The following TMEM41B variants were observed in gnomAD, a reference collection of about 807,000 sequenced individuals.
TMEM41B encodes protein stasimon.
Under a neutral mutation model 31.9 loss-of-function variants are expected in TMEM41B, and 18 were observed. The ratio of observed to expected loss-of-function variants is 0.56; its 90% CI spans 0.39 to 0.84. The LOEUF (loss-of-function observed/expected upper bound fraction) is 0.84, where lower values mean the gene tolerates loss of function less well. Among genes scored for constraint, TMEM41B ranks in the 40% least tolerant of loss-of-function variants. The probability of loss-of-function intolerance (pLI) is 0.00; values close to 1 mark genes in which losing one functional copy is unlikely to be tolerated. For synonymous variants in TMEM41B, 144 were observed against 124.3 expected, an observed-to-expected ratio of 1.16 and a Z score of -1.05; for missense variants, 322 against 348.0, an observed-to-expected ratio of 0.93 and a Z score of 0.59.
At position 9,283,815 on chromosome 11, in the gene TMEM41B, G is replaced by A. The variant is rs139554547; in HGVS notation, c.707-222C>T. ...TTTTTTTTTTTTGAGACGGAGTTTC[G>A]CTCTTGTTGCCCCCGCTGGAACACG... On this transcript the variant is annotated intron_variant, in intron 6 of 6. Transcript: ENST00000528080. 5.1e-3 allele frequency among the ~76,000 whole-genome samples: 749 copies of A among 146,858 alleles called. 4 individuals are homozygous for A. The highest frequency in any genetic ancestry group is 0.018 in the African/African-American group (716 of 39,856).
chr11:9,287,824 C>T lies in TMEM41B; in HGVS notation c.463-18G>A. On this transcript the variant is annotated intron_variant, in intron 4 of 6. Transcript: ENST00000528080. ...CCAGAACACTGGAAAACAAAAGAAG[C>T]CATAAGCGTTTTGTATTTTTCCGTC... is the stretch of plus-strand genomic sequence containing the variant. 6.4e-7 allele frequency: 1 copy of T among 1,566,724 alleles called. No homozygotes were observed.
intron 1 of TMEM41B, among the ~76,000 whole-genome samples, chr11:9,307,270 A>G (rs1853420782): frequency 6.6e-6 from 1 of 152,132 alleles, no homozygotes; most frequent in Non-Finnish European, 1.5e-5. Context: ...AAAAAAATCC[A>G]TTTATCCTAA....
chr11:9,312,622 T>A (rs1285240514), intron 1 of TMEM41B, among the ~76,000 whole-genome samples: 1 of 152,012 alleles, frequency 6.6e-6, no homozygotes, highest in Non-Finnish European at 1.5e-5. Context: ...AGAATAATTG[T>A]AGGCCAGGCG....
At chr11:9,310,057 A>C (rs1853519654) in intron 1 of TMEM41B, among the ~76,000 whole-genome samples, 1 of 146,954 alleles carries the variant, frequency 6.8e-6, no homozygotes, top group African/African-American at 2.5e-5. Context: ...TTTTTTTGAG[A>C]TGGAGTCTCA....
At position 9,305,461 on chromosome 11, in the gene TMEM41B, G is replaced by A. The variant is rs533587647; in HGVS notation, c.122-5760C>T. 3.9e-4 allele frequency among the ~76,000 whole-genome samples: 59 copies of A among 152,224 alleles called. 1 individual carries two copies. The highest frequency in any genetic ancestry group is 1.3e-3 in the African/African-American group (56 of 41,530). ...TAAAAATATAAAAAATTAGTCAGGC[G>A]TGGTGGCACACCCCTGTAGTCCCAG... On this transcript the variant is annotated intron_variant, in intron 1 of 6. Coordinates refer to ENST00000528080, the MANE Select transcript of TMEM41B (RefSeq NM_015012.4).
intron 2 of TMEM41B, among the ~76,000 whole-genome samples, chr11:9,299,005 GCA>G (rs949398327): frequency 5.3e-5 from 8 of 151,858 alleles, no homozygotes; most frequent in Admixed American, 1.3e-4. Context: ...TCCAGGCTGG[GCA>G]CAGTGGCTCA....
intron 1 of TMEM41B, among the ~76,000 whole-genome samples, chr11:9,300,802 C>A (rs1346647006): frequency 6.6e-6 from 1 of 151,164 alleles, no homozygotes; most frequent in African/African-American, 2.4e-5. Context: ...GGTGTGAACC[C>A]GGGAGGCAGA....
At chr11:9,284,328 T>C (rs1279448315) in intron 6 of TMEM41B, among the ~76,000 whole-genome samples, 2 of 151,798 alleles carry the variant, frequency 1.3e-5, no homozygotes, top group Admixed American at 1.3e-4. Context: ...TTGAATTTTT[T>C]GTCAAGAGAG....
At chr11:9,287,946 G>C (rs1356144786) in intron 4 of TMEM41B, 140 bp from the exon 5 acceptor site, 5 of 677,024 alleles carry the variant, frequency 7.4e-6, no homozygotes, top group Non-Finnish European at 1.3e-5. Flanking sequence ...CTTGTGCAGA[G>C]ATGATCTAGT....
chr11:9,288,020 C>T (rs1852874379), intron 4 of TMEM41B: 5 of 534,448 alleles, frequency 9.4e-6, no homozygotes, highest in African/African-American at 4.0e-5. Context: ...CTTGTGATTA[C>T]ACCTAGTGAC....
At chr11:9,289,788 C>T (rs1403009436) in intron 3 of TMEM41B, among the ~76,000 whole-genome samples, 1 of 152,192 alleles carries the variant, frequency 6.6e-6, no homozygotes, top group Non-Finnish European at 1.5e-5. Flanking sequence ...CTGCATGAAA[C>T]ATGGCTTCAG....
chr11:9,296,975 T>G (rs1437346877), intron 2 of TMEM41B, among the ~76,000 whole-genome samples: 1 of 152,122 alleles, frequency 6.6e-6, no homozygotes, highest in African/African-American at 2.4e-5. Flanking sequence ...CTGGATGGAG[T>G]GCAATGGCAC....
At chr11:9,298,354 G>A (rs1028283907) in intron 2 of TMEM41B, among the ~76,000 whole-genome samples, 1 of 151,546 alleles carries the variant, frequency 6.6e-6, no homozygotes, top group African/African-American at 2.4e-5. Flanking sequence ...AGCTACTCGT[G>A]AGACTGAGGC....
chr11:9,289,722 T>C (rs1852912451), intron 3 of TMEM41B, among the ~76,000 whole-genome samples: 1 of 152,198 alleles, frequency 6.6e-6, no homozygotes, highest in Non-Finnish European at 1.5e-5. Flanking sequence ...CAGCCAATAA[T>C]AACTTTTTCT....
At chr11:9,310,878 AT>A (rs1853544056) in intron 1 of TMEM41B, among the ~76,000 whole-genome samples, 1 of 152,064 alleles carries the variant, frequency 6.6e-6, no homozygotes, top group South Asian at 2.1e-4. Context: ...TTTCCACTAA[AT>A]TCCCCAAGTA....
intron 5 of TMEM41B, 27 bp downstream of exon 5, chr11:9,287,675 T>C: frequency 1.3e-6 from 2 of 1,513,696 alleles, no homozygotes; most frequent in Non-Finnish European, 9.1e-7. Flanking sequence ...AAGAGTTACA[T>C]CAAATAATTT....
intron 3 of TMEM41B, 154 bp downstream of exon 3, chr11:9,295,105 T>C (rs1490421804): frequency 9.9e-7 from 1 of 1,013,876 alleles, no homozygotes; most frequent in Non-Finnish European, 1.3e-6. Flanking sequence ...ATTAAAGTGA[T>C]AATTTTTTTC....
intron 3 of TMEM41B, 107 bp from the exon 4 acceptor site, chr11:9,288,642 G>T: frequency 1.3e-6 from 1 of 767,932 alleles, no homozygotes; most frequent in Non-Finnish European, 2.0e-6. Context: ...CATACAATGA[G>T]ATTATATCCA....
At chr11:9,297,217 T>C (rs1853118031) in intron 2 of TMEM41B, among the ~76,000 whole-genome samples, 1 of 152,170 alleles carries the variant, frequency 6.6e-6, no homozygotes, top group South Asian at 2.1e-4. Flanking sequence ...CCCAAGTAGC[T>C]GGGACTACGG....
Sources: gnomAD v4.1 joint callset for allele counts (sites outside exome capture counted in the v4.1 genomes callset) on GRCh38, gnomAD v4.1.1 for gene constraint, MANE v1.5 for transcripts, NCBI Gene and HGNC (gene_info 2026-07-23, HGNC 2026-07-21) for gene names.